UBE2W: variants seen among roughly 807,000 people sequenced by gnomAD.
UBE2W encodes ubiquitin-conjugating enzyme E2 W.
UBE2W carries 18 observed loss-of-function variants against 27.2 expected under a neutral mutation model. The observed-to-expected ratio is 0.66, with a 90% confidence interval of 0.46 to 0.98. The LOEUF (loss-of-function observed/expected upper bound fraction) is 0.98. UBE2W is among the 50% of genes least tolerant of loss of function. UBE2W has a pLI of 0.00. For missense variants in UBE2W, 90 were observed against 180.2 expected (o/e 0.50, Z 2.87); for synonymous variants, 53 against 57.2 (o/e 0.93, Z 0.33).
At chr8:73,785,293 G>A (rs560596181), downstream of UBE2W, among the ~76,000 whole-genome samples, 9 of 151,806 alleles carry the variant, frequency 5.9e-5, no homozygotes, top group South Asian at 8.3e-4. Flanking sequence ...TTACAGGCAT[G>A]TGCCACCATG....
intron 2 of UBE2W, 39 bp downstream of exon 2, chr8:73,830,342 G>C (rs745891944): frequency 7.1e-7 from 1 of 1,405,224 alleles, no homozygotes; most frequent in African/African-American, 1.4e-5. Flanking sequence ...TACATTATTG[G>C]TAATAAAACA....
At chr8:73,853,980 T>C (rs561961853) in intron 1 of UBE2W, among the ~76,000 whole-genome samples, 2 of 152,000 alleles carry the variant, frequency 1.3e-5, no homozygotes, top group South Asian at 4.1e-4. Context: ...AAGACCCCCA[T>C]CTTTACAAAA....
rs1215559201 is a variant in UBE2W at position 73,788,256 on chromosome 8, T to C, written c.*5846A>G. Reference sequence around the variant, plus strand: ...ATAGATTTGTCTGTTTTAACATTTATATTCTATTTAAAAAGTAGTGACTTT... The same window carrying C: ...ATAGATTTGTCTGTTTTAACATTTACATTCTATTTAAAAAGTAGTGACTTT... On this transcript the variant is annotated 3_prime_UTR_variant, in exon 6 of 6. Transcript: ENST00000602593. The C allele has an allele frequency of 3.1e-6, 3 of 957,122 alleles. No homozygotes were observed. In the African/African-American group the frequency reaches 5.3e-5, roughly 17 times the overall value. The allele number at this position is 957,122 out of a possible 1,614,324, so 59.3% of individuals were successfully genotyped here.
intron 1 of UBE2W, among the ~76,000 whole-genome samples, chr8:73,875,629 G>T (rs1398525289): frequency 1.3e-5 from 2 of 149,084 alleles, no homozygotes; most frequent in African/African-American, 5.0e-5. Flanking sequence ...TCTACTAAAA[G>T]CTTTTTGGGT....
At chr8:73,831,522 T>G (rs1810062412) in intron 1 of UBE2W, 1 of 153,024 alleles carries the variant, frequency 6.5e-6, no homozygotes, top group African/African-American at 2.4e-5. Flanking sequence ...ACAGCTACAG[T>G]AGCTGCTTAA....
intron 1 of UBE2W, among the ~76,000 whole-genome samples, chr8:73,845,306 T>C (rs1045254344): frequency 2.0e-5 from 3 of 152,248 alleles, no homozygotes; most frequent in Non-Finnish European, 4.4e-5. Flanking sequence ...ATCAGATTGA[T>C]ACTGTGTCTG....
chr8:73,795,125 G>A (rs757929856), intron 5 of UBE2W, among the ~76,000 whole-genome samples: 1 of 151,946 alleles, frequency 6.6e-6, no homozygotes, highest in Non-Finnish European at 1.5e-5. Context: ...CAAGAGTTGT[G>A]AAAGCACTCA....
chr8:73,785,192 G>A (rs1047747974), downstream of UBE2W, among the ~76,000 whole-genome samples: 1 of 152,126 alleles, frequency 6.6e-6, no homozygotes, highest in Admixed American at 6.6e-5. Flanking sequence ...TGTCACCCAG[G>A]CTGGAGTGCA....
chr8:73,867,114 T>C (rs191175978), intron 1 of UBE2W, among the ~76,000 whole-genome samples: 11 of 152,224 alleles, frequency 7.2e-5, no homozygotes, highest in African/African-American at 2.6e-4. Context: ...TGACAAATTG[T>C]TTAGGACCAG....
downstream of UBE2W, among the ~76,000 whole-genome samples, chr8:73,785,643 G>A (rs781201862): frequency 7.9e-5 from 12 of 151,766 alleles, no homozygotes; most frequent in Non-Finnish European, 1.3e-4. Flanking sequence ...CCAGGCTGGA[G>A]TGCAATGGCA....
At chr8:73,833,696 G>T (rs1810187598) in intron 1 of UBE2W, 1 of 151,838 alleles carries the variant, frequency 6.6e-6, no homozygotes, top group South Asian at 2.1e-4. Context: ...CCTAATTTAT[G>T]AATTTTAAAA....
intron 2 of UBE2W, among the ~76,000 whole-genome samples, chr8:73,825,539 C>G (rs1297139172): frequency 6.6e-6 from 1 of 152,184 alleles, no homozygotes; most frequent in South Asian, 2.1e-4. Flanking sequence ...TGTGGTGGCT[C>G]ACACCTGTAA....
chr8:73,788,829 T>C lies in UBE2W; in HGVS notation c.*5273A>G. On this transcript the variant is annotated 3_prime_UTR_variant, in exon 6 of 6. Transcript: ENST00000602593. Reference sequence around the variant, plus strand: ...GCCAAGGACTAGAACAAGAATTGGATCTCTCCTTTTCCCAGTCAACTCCTC... The same window carrying C: ...GCCAAGGACTAGAACAAGAATTGGACCTCTCCTTTTCCCAGTCAACTCCTC... 2.0e-6 allele frequency: 2 copies of C among 985,374 alleles called. No homozygotes were observed. The highest frequency in any genetic ancestry group is 2.4e-6 in the Non-Finnish European group (2 of 829,928). 61.0% of individuals were successfully genotyped at this position (985,374 alleles called of 1,614,324 possible).
chr8:73,781,929 C>CTTTTTTTTTT (rs71269945), downstream of UBE2W, among the ~76,000 whole-genome samples: 2 of 96,012 alleles, frequency 2.1e-5, no homozygotes, highest in African/African-American at 7.6e-5. Flanking sequence ...TAAAAGCCTC[C>CTTTTTTTTTT]TTTTTTTTTT....
At chr8:73,863,904 T>G (rs1271431751) in intron 1 of UBE2W, among the ~76,000 whole-genome samples, 1 of 148,958 alleles carries the variant, frequency 6.7e-6, no homozygotes, top group Non-Finnish European at 1.5e-5. Context: ...TGGTTTGAAC[T>G]GCATGGTTAA....
At chr8:73,842,816 G>C (rs1810601784) in intron 1 of UBE2W, among the ~76,000 whole-genome samples, 1 of 152,074 alleles carries the variant, frequency 6.6e-6, no homozygotes, top group Non-Finnish European at 1.5e-5. Context: ...ATGTAGAAGT[G>C]TATTTTTTGT....
intron 4 of UBE2W, 27 bp downstream of exon 4, chr8:73,810,447 A>G: frequency 6.3e-7 from 1 of 1,592,690 alleles, no homozygotes; most frequent in Non-Finnish European, 8.5e-7. Flanking sequence ...AAGAGATATT[A>G]TCTGGAATAA....
intron 2 of UBE2W, among the ~76,000 whole-genome samples, chr8:73,827,141 C>T (rs1809873515): frequency 6.6e-6 from 1 of 152,192 alleles, no homozygotes. Context: ...CTCATCAATC[C>T]TTGTAATATC....
chr8:73,783,504 C>T (rs577336152), downstream of UBE2W, among the ~76,000 whole-genome samples: 1 of 152,218 alleles, frequency 6.6e-6, no homozygotes, highest in South Asian at 2.1e-4. Flanking sequence ...ATCAATTGAC[C>T]GTATTTCTGG....
Sources: allele counts gnomAD v4.1 joint callset (sites outside exome capture counted in the v4.1 genomes callset), GRCh38; gene constraint gnomAD v4.1.1; transcripts MANE v1.5; gene names NCBI Gene and HGNC (gene_info 2026-07-23, HGNC 2026-07-21).